TSPAN12: variants seen among roughly 807,000 people sequenced by gnomAD.
TSPAN12 encodes the protein tetraspanin-12.
A neutral mutation model predicts 39.2 loss-of-function variants in TSPAN12; 19 were observed. The observed-to-expected ratio is 0.49, with a 90% CI of 0.34 to 0.71. The LOEUF (loss-of-function observed/expected upper bound fraction) is 0.71, where lower values mean the gene tolerates loss of function less well. Among genes scored for constraint, TSPAN12 ranks in the 30% least tolerant of loss-of-function variants. TSPAN12 has a pLI of 0.01. For missense variants in TSPAN12, 314 were observed against 359.9 expected (o/e 0.87, Z 1.03); for synonymous variants, 119 against 124.8 (o/e 0.95, Z 0.31).
At chr7:120,790,737 A>T (rs1793506479) in intron 7 of TSPAN12, among the ~76,000 whole-genome samples, 1 of 152,204 alleles carries the variant, frequency 6.6e-6, no homozygotes, top group Admixed American at 6.5e-5. Flanking sequence ...TGAAGCAGAG[A>T]AATATTTTAC....
chr7:120,815,180 G>A (rs1423520767), intron 5 of TSPAN12, among the ~76,000 whole-genome samples: 2 of 152,156 alleles, frequency 1.3e-5, no homozygotes, highest in Non-Finnish European at 2.9e-5. Context: ...TTATGGTTTG[G>A]AAATGTGCTT....
At chr7:120,856,370 G>A (rs932600564) in intron 2 of TSPAN12, among the ~76,000 whole-genome samples, 18 of 152,058 alleles carry the variant, frequency 1.2e-4, no homozygotes, top group African/African-American at 2.4e-4. Context: ...TAAAATTCCC[G>A]CAAACAAGCA....
At chr7:120,826,760 T>C (rs1261576101) in intron 4 of TSPAN12, among the ~76,000 whole-genome samples, 1 of 152,178 alleles carries the variant, frequency 6.6e-6, no homozygotes, top group African/African-American at 2.4e-5. Flanking sequence ...TCTCATTCTT[T>C]CACCCAGGCT....
Position 120,856,808 on chromosome 7 carries a change from A to G in TSPAN12, c.-45T>C. ...AAGCCCCATCCTTTCACCACATCCT[A>G]CTCCCAAGGGCAAAACGGCAGCGAT... On this transcript the variant is annotated 5_prime_UTR_variant, in exon 2 of 8. Coordinates refer to ENST00000222747, the MANE Select transcript of TSPAN12 (RefSeq NM_012338.4). The G allele has an allele frequency of 6.2e-7, 1 of 1,607,404 alleles. No homozygotes were observed. The highest frequency in any genetic ancestry group is 8.5e-7 in the Non-Finnish European group (1 of 1,174,122).
At chr7:120,845,620 C>T (rs1794656305) in intron 2 of TSPAN12, among the ~76,000 whole-genome samples, 2 of 152,220 alleles carry the variant, frequency 1.3e-5, no homozygotes, top group Non-Finnish European at 2.9e-5. Flanking sequence ...AGCAGGGGAA[C>T]AATGCCACAA....
chr7:120,845,510 T>A (rs959382291), intron 2 of TSPAN12, among the ~76,000 whole-genome samples: 18 of 152,238 alleles, frequency 1.2e-4, no homozygotes, highest in African/African-American at 4.3e-4. Context: ...CATTTTAGAA[T>A]CAACCAGGCC....
chr7:120,856,597 A>T, intron 2 of TSPAN12, 101 bp downstream of exon 2: 1 of 1,184,490 alleles, frequency 8.4e-7, no homozygotes, highest in Non-Finnish European at 1.3e-6. Flanking sequence ...TATCCCATGT[A>T]ATTAATTAAT....
intron 4 of TSPAN12, among the ~76,000 whole-genome samples, chr7:120,819,796 A>C (rs1794154099): frequency 3.3e-5 from 5 of 152,122 alleles, no homozygotes; most frequent in Admixed American, 2.0e-4. Flanking sequence ...TTTTGTAGTG[A>C]GATCTGAGTC....
In TSPAN12 at chr7:120,806,700, A is replaced by G; in HGVS notation, c.469-8T>C. The G allele has an allele frequency of 6.2e-7, 1 of 1,613,176 alleles. No individual in the cohort carries two copies. The highest frequency in any genetic ancestry group is 8.5e-7 in the Non-Finnish European group (1 of 1,179,308). On this transcript the variant is annotated splice_polypyrimidine_tract_variant and splice_region_variant and intron_variant, in intron 6 of 7. Coordinates refer to ENST00000222747, the MANE Select transcript of TSPAN12 (RefSeq NM_012338.4). Reference sequence around the variant, plus strand: ...TACTCCACAGCACTTAAACTGCAAAAAAAATCACTAGTCAGCCTCAGAAAC... The same window carrying G: ...TACTCCACAGCACTTAAACTGCAAAGAAAATCACTAGTCAGCCTCAGAAAC...
chr7:120,819,646 T>C (rs1025042222), intron 4 of TSPAN12, among the ~76,000 whole-genome samples: 1 of 152,192 alleles, frequency 6.6e-6, no homozygotes, highest in African/African-American at 2.4e-5. Flanking sequence ...ATGTTGCAGC[T>C]TCACGGTCAG....
At chr7:120,816,622 G>A (rs554228598) in intron 4 of TSPAN12, among the ~76,000 whole-genome samples, 1 of 152,178 alleles carries the variant, frequency 6.6e-6, no homozygotes, top group South Asian at 2.1e-4. Flanking sequence ...AATGAGAAGA[G>A]ATCAAAGGTG....
In TSPAN12 at chr7:120,815,240, C is replaced by T. The variant is rs191956883; in HGVS notation, c.360+489G>A. 2.0e-5 allele frequency among the ~76,000 whole-genome samples: 3 copies of T among 152,276 alleles called. No homozygotes were observed. The East Asian group carries it at 5.8e-4, about 29-fold the overall frequency. On this transcript the variant is annotated intron_variant, in intron 5 of 7. Coordinates refer to ENST00000222747, the MANE Select transcript of TSPAN12 (RefSeq NM_012338.4). Reference sequence around the variant, plus strand: ...TTTTCAGAAGTATTGGGATTATTAACTGTTATCATGTAGCATAAACATTCA... The same window carrying T: ...TTTTCAGAAGTATTGGGATTATTAATTGTTATCATGTAGCATAAACATTCA...
intron 4 of TSPAN12, 88 bp from the exon 5 acceptor site, chr7:120,815,891 A>G (rs1794071244): frequency 8.2e-7 from 1 of 1,219,772 alleles, no homozygotes; most frequent in South Asian, 1.3e-5. Context: ...TTACCTAGTG[A>G]CCAAGAAAAC....
intron 5 of TSPAN12, among the ~76,000 whole-genome samples, chr7:120,813,303 A>G (rs1794017561): frequency 6.6e-6 from 1 of 152,204 alleles, no homozygotes; most frequent in African/African-American, 2.4e-5. Flanking sequence ...CCCTTGCTCC[A>G]TCCTGGTGAT....
intron 2 of TSPAN12, 83 bp downstream of exon 2, chr7:120,856,615 C>A (rs1794874394): frequency 5.9e-6 from 8 of 1,358,022 alleles, no homozygotes; most frequent in Non-Finnish European, 8.4e-6. Flanking sequence ...AATGCTTAGC[C>A]ATGCCCTTTG....
chr7:120,842,566 T>C (rs1161566277), intron 2 of TSPAN12, among the ~76,000 whole-genome samples: 1 of 151,980 alleles, frequency 6.6e-6, no homozygotes, highest in African/African-American at 2.4e-5. Context: ...GGCTTCGACG[T>C]GCCAGGGTTA....
intron 4 of TSPAN12, among the ~76,000 whole-genome samples, chr7:120,834,146 G>A (rs1287526616): frequency 6.6e-6 from 1 of 152,064 alleles, no homozygotes; most frequent in Non-Finnish European, 1.5e-5. Context: ...ACGTTTGCCA[G>A]ATAAAGCAAA....
intron 5 of TSPAN12, among the ~76,000 whole-genome samples, chr7:120,812,814 G>A (rs1724341961): frequency 6.6e-6 from 1 of 152,000 alleles, no homozygotes; most frequent in Admixed American, 6.6e-5. Context: ...ATCTAGAAAT[G>A]TACAATCTGA....
chr7:120,816,119 G>C (rs1421073133), intron 4 of TSPAN12, among the ~76,000 whole-genome samples: 1 of 152,054 alleles, frequency 6.6e-6, no homozygotes, highest in African/African-American at 2.4e-5. Context: ...TCCAAGAAAG[G>C]GGACCTAATT....
Sources: gnomAD v4.1 joint callset for allele counts (sites outside exome capture counted in the v4.1 genomes callset) on GRCh38, gnomAD v4.1.1 for gene constraint, MANE v1.5 for transcripts, NCBI Gene and HGNC (gene_info 2026-07-23, HGNC 2026-07-21) for gene names.